Variants in POLA1 observed in about 807,000 individuals in gnomAD.
POLA1 encodes the protein DNA polymerase alpha 1, catalytic subunit.
A neutral mutation model predicts 124.0 loss-of-function variants in POLA1; 15 were observed. The observed-to-expected ratio is 0.12, with a 90% confidence interval of 0.08 to 0.19. The LOEUF is 0.19. POLA1 is among the 10% of genes least tolerant of loss of function. POLA1 has a pLI of 1.00. For missense variants in POLA1, 886 were observed against 1,103.4 expected, an observed-to-expected ratio of 0.80 and a Z score of 2.79; for synonymous variants, 408 against 389.4, an observed-to-expected ratio of 1.05 and a Z score of -0.56.
At chrX:24,903,472 A>C (rs1028194152) in intron 35 of POLA1, among the ~76,000 whole-genome samples, 20 of 112,297 alleles carry the variant, frequency 1.8e-4, no homozygotes, top group Non-Finnish European at 3.8e-5. Flanking sequence ...GGGAAACAAA[A>C]AACGTTTTGA....
chrX:24,991,041 C>T (rs994655512), intron 36 of POLA1, among the ~76,000 whole-genome samples: 2 of 112,111 alleles, frequency 1.8e-5, no homozygotes, highest in East Asian at 2.8e-4. Flanking sequence ...GGAATTACAG[C>T]GTGCCTTGCT....
intron 28 of POLA1, among the ~76,000 whole-genome samples, chrX:24,811,683 C>T (rs767676679): frequency 1.1e-4 from 12 of 105,566 alleles, no homozygotes; most frequent in African/African-American, 4.2e-4. Context: ...TACATTTTTC[C>T]TTTGAAAACA....
At chrX:24,982,523 G>T (rs776010165) in intron 36 of POLA1, among the ~76,000 whole-genome samples, 3 of 110,372 alleles carry the variant, frequency 2.7e-5, no homozygotes, top group Non-Finnish European at 3.8e-5. Flanking sequence ...TTTCTTTAAA[G>T]TGCTGGAAAT....
At chrX:24,977,306 A>T (rs1016750627) in intron 36 of POLA1, among the ~76,000 whole-genome samples, 2 of 112,639 alleles carry the variant, frequency 1.8e-5, no homozygotes, top group Non-Finnish European at 3.7e-5. Flanking sequence ...TGATAGTTAG[A>T]TACAGAATTC....
intron 36 of POLA1, among the ~76,000 whole-genome samples, chrX:24,972,948 AT>A (rs2048321036): frequency 8.9e-6 from 1 of 112,367 alleles, no homozygotes; most frequent in Non-Finnish European, 1.9e-5. Context: ...CCATTAGCCA[AT>A]TCTGGCTTAG....
chrX:24,881,155 T>G (rs908684999), intron 34 of POLA1, among the ~76,000 whole-genome samples: 2 of 111,945 alleles, frequency 1.8e-5, no homozygotes, highest in African/African-American at 3.2e-5. Flanking sequence ...ACTACACAGT[T>G]GTAATATTTT....
chrX:24,833,534 C>G (rs1414237038), intron 32 of POLA1, among the ~76,000 whole-genome samples: 1 of 111,360 alleles, frequency 9.0e-6, no homozygotes, highest in Admixed American at 9.5e-5. Flanking sequence ...AAAAGTGTTC[C>G]CTTTTTACCA....
chrX:24,904,477 T>C (rs1436923672), intron 35 of POLA1, among the ~76,000 whole-genome samples: 2 of 108,578 alleles, frequency 1.8e-5, no homozygotes, highest in Admixed American at 9.8e-5. Flanking sequence ...AGTAACCTTA[T>C]GGTGGCAACA....
At chrX:24,882,995 G>T (rs1423161844) in intron 34 of POLA1, among the ~76,000 whole-genome samples, 1 of 111,441 alleles carries the variant, frequency 9.0e-6, no homozygotes, top group African/African-American at 3.3e-5. Flanking sequence ...CCATTTCTCT[G>T]CAGCCTTGCC....
chrX:24,993,756 C>A (rs11573529), intron 36 of POLA1, among the ~76,000 whole-genome samples: 294 of 111,726 alleles, frequency 2.6e-3, no homozygotes, highest in African/African-American at 9.2e-3. Flanking sequence ...TGATTAAATT[C>A]TCTTTGGGGA....
chrX:24,919,851 T>G (rs1323523827), intron 35 of POLA1, among the ~76,000 whole-genome samples: 1 of 89,588 alleles, frequency 1.1e-5, no homozygotes, highest in East Asian at 3.4e-4. Flanking sequence ...TTCTGTTTTT[T>G]TTTTTTTTTT....
intron 35 of POLA1, among the ~76,000 whole-genome samples, chrX:24,895,685 T>C (rs1375433618): frequency 8.9e-6 from 1 of 112,216 alleles, no homozygotes; most frequent in African/African-American, 3.2e-5. Flanking sequence ...CACTGTTCCA[T>C]TGTGGGATTT....
intron 4 of POLA1, among the ~76,000 whole-genome samples, chrX:24,707,760 G>A (rs901817334): frequency 1.8e-5 from 2 of 112,320 alleles, no homozygotes; most frequent in South Asian, 3.7e-4. Flanking sequence ...TTGGGAGGCC[G>A]AGGTGGGCAG....
At chrX:24,870,824 G>T (rs2046854292) in intron 34 of POLA1, among the ~76,000 whole-genome samples, 1 of 111,745 alleles carries the variant, frequency 8.9e-6, no homozygotes, top group Admixed American at 9.5e-5. Context: ...TCAGGGGCTT[G>T]TTAGAAGATT....
intron 20 of POLA1, among the ~76,000 whole-genome samples, chrX:24,741,021 G>A (rs1931604527): frequency 9.0e-6 from 1 of 110,739 alleles, no homozygotes; most frequent in Non-Finnish European, 1.9e-5. Flanking sequence ...TAGTAAGCAT[G>A]CAATACATAC....
intron 26 of POLA1, among the ~76,000 whole-genome samples, chrX:24,784,769 A>T (rs143531841): frequency 8.9e-6 from 1 of 112,163 alleles, no homozygotes; most frequent in African/African-American, 3.2e-5. Context: ...GTAAGCAGCA[A>T]TGGGAATTGA....
chrX:24,851,687 G>T (rs1260562887), intron 34 of POLA1, among the ~76,000 whole-genome samples: 1 of 113,037 alleles, frequency 8.8e-6, no homozygotes, highest in Non-Finnish European at 1.9e-5. Context: ...CATAGGAGTT[G>T]TCAGATATCT....
intron 36 of POLA1, among the ~76,000 whole-genome samples, chrX:24,943,686 A>G (rs753139298): frequency 8.0e-5 from 9 of 112,560 alleles, no homozygotes; most frequent in African/African-American, 2.9e-4. Context: ...CTACAAAGAA[A>G]TTTTCAAAAT....
Position 24,739,371 on chromosome X carries a change from G to T in POLA1, c.2041-4G>T, listed in dbSNP as rs1931495558. The T allele has an allele frequency of 8.6e-7, 1 of 1,166,120 alleles. No homozygotes were observed. The highest frequency in any genetic ancestry group is 1.8e-5 in the African/African-American group (1 of 55,164). ...GAAGTTTGCTTTTTGTTCCCATCTT[G>T]TAGGGCCGGAGTGGATTTGGTGAAA... On this transcript the variant is annotated splice_region_variant and splice_polypyrimidine_tract_variant and intron_variant, in intron 19 of 36. Transcript: ENST00000379068.
Sources: allele counts gnomAD v4.1 joint callset (sites outside exome capture counted in the v4.1 genomes callset), GRCh38; gene constraint gnomAD v4.1.1; transcripts MANE v1.5; gene names NCBI Gene and HGNC (gene_info 2026-07-23, HGNC 2026-07-21).